REXO5: variants seen among roughly 807,000 people sequenced by gnomAD.
The protein encoded by REXO5 is RNA exonuclease 5, also known as exonuclease NEF-sp.
Under a neutral mutation model 88.5 loss-of-function variants are expected in REXO5, and 48 were observed. The ratio of observed to expected loss-of-function variants is 0.54; its 90% CI spans 0.43 to 0.69. The LOEUF (loss-of-function observed/expected upper bound fraction) is 0.69. Among genes scored for constraint, REXO5 ranks in the 30% least tolerant of loss-of-function variants. The probability of loss-of-function intolerance (pLI) is 0.00; values close to 1 mark genes in which losing one functional copy is unlikely to be tolerated. For synonymous variants in REXO5, 311 were observed against 336.5 expected (o/e 0.92, Z 0.83); for missense variants, 749 against 912.2 (o/e 0.82, Z 2.30).
chr16:20,817,802 G>A (rs1352762262), intron 5 of REXO5, among the ~76,000 whole-genome samples: 1 of 152,130 alleles, frequency 6.6e-6, no homozygotes, highest in Non-Finnish European at 1.5e-5. Flanking sequence ...TTACCTATTA[G>A]TTTTCTTTGA....
chr16:20,840,293 A>G, intron 14 of REXO5, 38 bp from the exon 15 acceptor site: 1 of 1,461,848 alleles, frequency 6.8e-7, no homozygotes, highest in Non-Finnish European at 9.2e-7. Flanking sequence ...CTCTTTCCAT[A>G]TTCATTCCCA....
intron 4 of REXO5, 123 bp from the exon 5 acceptor site, chr16:20,815,993 T>TA: frequency 1.4e-6 from 1 of 737,454 alleles, no homozygotes. Flanking sequence ...GTTCTTATTT[T>TA]AAAATGCTAA....
intron 15 of REXO5, 40 bp from the exon 16 acceptor site, chr16:20,843,894 G>C (rs768938690): frequency 7.1e-7 from 1 of 1,417,984 alleles, no homozygotes; most frequent in South Asian, 1.2e-5. Context: ...AGCAGTTTGA[G>C]CTGGAAAGCA....
Position 20,827,203 on chromosome 16 carries a change from A to G in REXO5, c.960+7A>G. The G allele has an allele frequency of 6.2e-7, 1 of 1,614,098 alleles. No homozygotes were observed. Among genetic ancestry groups the G allele is most frequent in the Non-Finnish European group, 8.5e-7 (1 of 1,179,986 alleles). On this transcript the variant is annotated splice_region_variant and intron_variant, in intron 9 of 19. Coordinates refer to ENST00000261377, the MANE Select transcript of REXO5 (RefSeq NM_030941.3). ...GGATCTCAGAGCACTGAAAGTGAGTATCTGATTTAGGACTTTGCATTTTCA... is the reference window on the plus strand; with the variant it reads ...GGATCTCAGAGCACTGAAAGTGAGTGTCTGATTTAGGACTTTGCATTTTCA...
chr16:20,837,261 C>T (rs1013269582), intron 13 of REXO5, among the ~76,000 whole-genome samples: 20 of 152,050 alleles, frequency 1.3e-4, no homozygotes, highest in African/African-American at 3.4e-4. Flanking sequence ...TTATTTTTCC[C>T]GTTTTGTTTA....
chr16:20,813,418 A>T, intron 3 of REXO5, 116 bp downstream of exon 3: 1 of 627,228 alleles, frequency 1.6e-6, no homozygotes. Context: ...GCTTATCGAC[A>T]GTATTTTTTT....
At chr16:20,819,598 A>G (rs2152502613) in intron 5 of REXO5, among the ~76,000 whole-genome samples, 1 of 151,338 alleles carries the variant, frequency 6.6e-6, no homozygotes, top group East Asian at 1.9e-4. Flanking sequence ...TCTACTAAAA[A>G]TACAAAATTA....
intron 16 of REXO5, 119 bp from the exon 17 acceptor site, chr16:20,844,510 C>T (rs1357559462): frequency 8.9e-6 from 7 of 786,246 alleles, no homozygotes; most frequent in South Asian, 3.7e-5. Context: ...AGAAAAGAAA[C>T]GGAAAATTTT....
intron 3 of REXO5, among the ~76,000 whole-genome samples, 160 bp from the exon 4 acceptor site, chr16:20,814,767 A>G (rs1015440256): frequency 2.4e-4 from 37 of 152,180 alleles, no homozygotes; most frequent in African/African-American, 8.0e-4. Flanking sequence ...TCTGTGCAAT[A>G]ATGGCTGTCT....
intron 2 of REXO5, among the ~76,000 whole-genome samples, chr16:20,812,367 CA>C (rs924214237): frequency 6.6e-6 from 1 of 151,570 alleles, no homozygotes; most frequent in Non-Finnish European, 1.5e-5. Flanking sequence ...ACCAAAAATA[CA>C]AAAAAAATTA....
At chr16:20,848,587 T>G (rs1484142090) in intron 19 of REXO5, among the ~76,000 whole-genome samples, 2 of 152,224 alleles carry the variant, frequency 1.3e-5, no homozygotes, top group African/African-American at 4.8e-5. Flanking sequence ...GTCTAGTGTT[T>G]GCATGTTTAA....
chr16:20,813,415 G>A (rs955060198), intron 3 of REXO5, 113 bp downstream of exon 3: 27 of 636,160 alleles, frequency 4.2e-5, no homozygotes, highest in Admixed American at 7.0e-5. Context: ...CTGGCTTATC[G>A]ACAGTATTTT....
At chr16:20,837,503 C>A (rs1479519874) in intron 13 of REXO5, among the ~76,000 whole-genome samples, 1 of 152,188 alleles carries the variant, frequency 6.6e-6, no homozygotes. Context: ...CACCTACTTT[C>A]TCTCTGATCC....
At chr16:20,821,005 G>A (rs996506452) in intron 5 of REXO5, 7 of 152,066 alleles carry the variant, frequency 4.6e-5, no homozygotes, top group African/African-American at 1.7e-4. Context: ...TCTTGAGCCA[G>A]GTCATACCCT....
chr16:20,824,870 A>C (rs981544981), intron 7 of REXO5, among the ~76,000 whole-genome samples: 1 of 152,038 alleles, frequency 6.6e-6, no homozygotes. Context: ...TTAGCTGGGC[A>C]TGGCAGCATG....
chr16:20,844,528 T>A, intron 16 of REXO5, 101 bp from the exon 17 acceptor site: 1 of 1,009,952 alleles, frequency 9.9e-7, no homozygotes, highest in Non-Finnish European at 1.5e-6. Flanking sequence ...TTTAGGAAAC[T>A]GAAAAATGAA....
intron 2 of REXO5, among the ~76,000 whole-genome samples, chr16:20,810,360 A>T (rs1461709801): frequency 6.6e-6 from 1 of 151,888 alleles, no homozygotes; most frequent in African/African-American, 2.4e-5. Context: ...CTCCACTTTA[A>T]TCCAAATCCA....
intron 2 of REXO5, chr16:20,807,410 T>G: frequency 3.3e-6 from 1 of 300,688 alleles, no homozygotes. Context: ...AATCCCCGTC[T>G]CTACCAAAAA....
intron 13 of REXO5, among the ~76,000 whole-genome samples, chr16:20,835,117 C>T (rs768955379): frequency 6.6e-6 from 1 of 152,062 alleles, no homozygotes; most frequent in Non-Finnish European, 1.5e-5. Flanking sequence ...CTTGGAAACA[C>T]TTTGGTCCTT....
Sources: gnomAD v4.1 joint callset for allele counts (sites outside exome capture counted in the v4.1 genomes callset) on GRCh38, gnomAD v4.1.1 for gene constraint, MANE v1.5 for transcripts, NCBI Gene and HGNC (gene_info 2026-07-23, HGNC 2026-07-21) for gene names.